Variants in CACNA2D3 observed in about 807,000 individuals in gnomAD.
CACNA2D3 encodes the protein calcium voltage-gated channel auxiliary subunit alpha2delta 3.
CACNA2D3 carries 60 observed loss-of-function variants against 160.6 expected under a neutral mutation model. That is an observed-to-expected ratio of 0.37 (90% CI 0.30 to 0.46). CACNA2D3 has a LOEUF of 0.46. Among genes scored for constraint, CACNA2D3 ranks in the 20% least tolerant of loss-of-function variants. The pLI is 1.00. For synonymous variants in CACNA2D3, 558 were observed against 492.9 expected (o/e 1.13, Z -1.75); for missense variants, 1,205 against 1,365.0 (o/e 0.88, Z 1.85).
chr3:54,989,923 T>G (rs1404268424), intron 31 of CACNA2D3, among the ~76,000 whole-genome samples: 2 of 152,212 alleles, frequency 1.3e-5, no homozygotes, highest in Non-Finnish European at 2.9e-5. Flanking sequence ...GCCCTTGCCT[T>G]TCCCAGCATG....
chr3:54,465,033 T>C (rs763682328), intron 4 of CACNA2D3, among the ~76,000 whole-genome samples: 7 of 152,150 alleles, frequency 4.6e-5, no homozygotes, highest in Admixed American at 2.0e-4. Context: ...CTTCTTTCTT[T>C]AATTTCTTTT....
chr3:54,565,544 G>A (rs1451404357), intron 6 of CACNA2D3, among the ~76,000 whole-genome samples: 1 of 152,214 alleles, frequency 6.6e-6, no homozygotes, highest in Non-Finnish European at 1.5e-5. Context: ...TGGTGGAAAT[G>A]TTCTGTATCC....
At chr3:54,339,417 C>T (rs180815679) in intron 3 of CACNA2D3, among the ~76,000 whole-genome samples, 28 of 152,318 alleles carry the variant, frequency 1.8e-4, no homozygotes, top group African/African-American at 4.1e-4. Flanking sequence ...CCTCCCACCA[C>T]GACCGCTGTT....
chr3:54,421,653 T>G lies in CACNA2D3; in HGVS notation c.381+34879T>G, dbSNP rs540222949. Among the ~76,000 whole-genome samples the G allele has an allele frequency of 7.9e-5, 12 of 152,282 alleles. No homozygotes were observed. The South Asian group carries it at 2.5e-3, about 32-fold the overall frequency. Reference sequence around the variant, plus strand: ...AGCGGTTGTTGTCATATTTGCTTTTTCTGGGAGAGGTAACTGTTTCCTGCT... The same window carrying G: ...AGCGGTTGTTGTCATATTTGCTTTTGCTGGGAGAGGTAACTGTTTCCTGCT... On this transcript the variant is annotated intron_variant, in intron 4 of 37. Transcript: ENST00000474759.
At chr3:54,280,252 T>G (rs1211994345) in intron 2 of CACNA2D3, among the ~76,000 whole-genome samples, 1 of 152,036 alleles carries the variant, frequency 6.6e-6, no homozygotes, top group Non-Finnish European at 1.5e-5. Context: ...CAGCTAATTT[T>G]TTGCATTTTT....
rs1449029911 is a variant in CACNA2D3 at position 54,514,143 on chromosome 3, A to C, written c.544+10489A>C. Among the ~76,000 whole-genome samples the C allele has an allele frequency of 3.3e-5, 5 of 152,354 alleles. No homozygotes were observed. The East Asian group carries it at 9.6e-4, about 29-fold the overall frequency. On this transcript the variant is annotated intron_variant, in intron 5 of 37. Coordinates refer to ENST00000474759, the MANE Select transcript of CACNA2D3 (RefSeq NM_018398.3). ...CCCTTTATGAAAATAATGTTGCAGC[A>C]AAGAGTCGTTTTAAAAATGGGAGGC...
chr3:54,706,241 G>T (rs529980307), intron 11 of CACNA2D3, among the ~76,000 whole-genome samples: 2 of 152,288 alleles, frequency 1.3e-5, no homozygotes, highest in South Asian at 4.2e-4. Context: ...ATGGAGTTTG[G>T]GGATGGCCAT....
intron 2 of CACNA2D3, among the ~76,000 whole-genome samples, chr3:54,249,045 T>C (rs1462881568): frequency 6.6e-6 from 1 of 152,210 alleles, no homozygotes; most frequent in Non-Finnish European, 1.5e-5. Context: ...ATGTATTAAC[T>C]TTATATCATA....
chr3:54,200,150 T>G (rs1330971959), intron 2 of CACNA2D3, among the ~76,000 whole-genome samples: 1 of 152,212 alleles, frequency 6.6e-6, no homozygotes, highest in Non-Finnish European at 1.5e-5. Flanking sequence ...GGCTGAAGTC[T>G]GGAAAATTCC....
At chr3:54,233,890 C>T (rs1208719231) in intron 2 of CACNA2D3, among the ~76,000 whole-genome samples, 1 of 151,900 alleles carries the variant, frequency 6.6e-6, no homozygotes, top group Non-Finnish European at 1.5e-5. Flanking sequence ...AACAATAACA[C>T]CAAATAAGTT....
At chr3:54,726,532 C>A (rs1355092874) in intron 11 of CACNA2D3, among the ~76,000 whole-genome samples, 1 of 152,134 alleles carries the variant, frequency 6.6e-6, no homozygotes. Flanking sequence ...CTACAGTAAC[C>A]AAAACAGCAT....
At chr3:54,872,080 G>T (rs1228113767) in intron 18 of CACNA2D3, among the ~76,000 whole-genome samples, 1 of 152,202 alleles carries the variant, frequency 6.6e-6, no homozygotes, top group Non-Finnish European at 1.5e-5. Flanking sequence ...TCAGAGTACA[G>T]CCCAGGGCTC....
chr3:54,141,073 G>GTGTGTGTA (rs1163082824), intron 2 of CACNA2D3, among the ~76,000 whole-genome samples: 1 of 127,094 alleles, frequency 7.9e-6, no homozygotes, highest in East Asian at 2.2e-4. Flanking sequence ...GTGTGTGTGT[G>GTGTGTGTA]TGTGTGTGTG....
At chr3:54,467,556 A>T (rs1700650841) in intron 4 of CACNA2D3, among the ~76,000 whole-genome samples, 1 of 152,188 alleles carries the variant, frequency 6.6e-6, no homozygotes, top group Non-Finnish European at 1.5e-5. Context: ...TGCAAAATGG[A>T]GATAATATCT....
intron 14 of CACNA2D3, among the ~76,000 whole-genome samples, chr3:54,817,842 G>A (rs898426755): frequency 7.2e-5 from 11 of 152,212 alleles, no homozygotes; most frequent in Admixed American, 7.2e-4. Flanking sequence ...GCATGCTAGT[G>A]TGTGACTTGG....
intron 35 of CACNA2D3, among the ~76,000 whole-genome samples, chr3:55,054,891 G>C (rs1256936982): frequency 2.0e-5 from 3 of 152,090 alleles, no homozygotes; most frequent in Middle Eastern, 3.4e-3. Flanking sequence ...TGGTGGCCTG[G>C]TTTTAGGCTT....
chr3:54,205,587 A>G (rs571418443), intron 2 of CACNA2D3, among the ~76,000 whole-genome samples: 1 of 152,344 alleles, frequency 6.6e-6, no homozygotes, highest in South Asian at 2.1e-4. Flanking sequence ...CATTGTTGTG[A>G]GAGCTAAACC....
intron 2 of CACNA2D3, among the ~76,000 whole-genome samples, chr3:54,205,843 G>A (rs1291823183): frequency 6.6e-6 from 1 of 152,148 alleles, no homozygotes; most frequent in Non-Finnish European, 1.5e-5. Flanking sequence ...GTTTATGTTA[G>A]GGTTGCCAGA....
At chr3:54,226,002 C>T (rs1248658433) in intron 2 of CACNA2D3, among the ~76,000 whole-genome samples, 3 of 152,128 alleles carry the variant, frequency 2.0e-5, no homozygotes, top group Admixed American at 6.5e-5. Context: ...CTTTGTATGA[C>T]TGGTCTATTT....
Sources: gnomAD v4.1 joint callset for allele counts (sites outside exome capture counted in the v4.1 genomes callset) on GRCh38, gnomAD v4.1.1 for gene constraint, MANE v1.5 for transcripts, NCBI Gene and HGNC (gene_info 2026-07-23, HGNC 2026-07-21) for gene names.